ATP2A3: variants seen among roughly 807,000 people sequenced by gnomAD.
The protein encoded by ATP2A3 is sarcoplasmic/endoplasmic reticulum calcium ATPase 3.
ATP2A3 carries 61 observed loss-of-function variants against 106.8 expected under a neutral mutation model. The observed-to-expected ratio is 0.57, with a 90% CI of 0.46 to 0.71. The LOEUF is 0.71. Among genes scored for constraint, ATP2A3 ranks in the 30% least tolerant of loss-of-function variants. The pLI is 0.00. For synonymous variants in ATP2A3, 611 were observed against 609.3 expected (o/e 1.00, Z -0.04); for missense variants, 1,201 against 1,423.5 (o/e 0.84, Z 2.52).
intron 12 of ATP2A3, 112 bp from the exon 13 acceptor site, chr17:3,941,766 G>A: frequency 8.9e-7 from 1 of 1,118,800 alleles, no homozygotes; most frequent in Non-Finnish European, 1.3e-6. Flanking sequence ...CCACCCAAGG[G>A]TACACACGCA....
intron 10 of ATP2A3, among the ~76,000 whole-genome samples, chr17:3,944,384 G>C (rs2053965047): frequency 6.6e-6 from 1 of 152,096 alleles, no homozygotes; most frequent in Admixed American, 6.5e-5. Flanking sequence ...CTGAACGTGG[G>C]CCTTTTGTGG....
intron 14 of ATP2A3, among the ~76,000 whole-genome samples, chr17:3,938,172 G>A (rs183094313): frequency 2.6e-5 from 4 of 152,184 alleles, no homozygotes; most frequent in African/African-American, 9.7e-5. Context: ...GGTGGCTCAC[G>A]CCTGTAATCC....
chr17:3,927,098 A>G, intron 20 of ATP2A3: 2 of 985,276 alleles, frequency 2.0e-6, no homozygotes, highest in African/African-American at 1.7e-5. Context: ...CTTTCCAACC[A>G]CTGCTTTAAC....
Position 3,944,821 on chromosome 17 carries a change from C to A in ATP2A3, c.1185-15G>T, listed in dbSNP as rs1265461214. 1.2e-6 allele frequency: 2 copies of A among 1,600,814 alleles called. No homozygotes were observed. Among genetic ancestry groups the A allele is most frequent in the Non-Finnish European group, 1.7e-6 (2 of 1,173,700 alleles). ...CCCCCTGCCGCCTGCGGAGCCGGGG[C>A]GGTCACCAGGAGGACCTCGGCTCCG... is the stretch of plus-strand genomic sequence containing the variant. On this transcript the variant is annotated splice_polypyrimidine_tract_variant and intron_variant, in intron 9 of 20. Coordinates refer to ENST00000397041, the MANE Select transcript of ATP2A3 (RefSeq NM_005173.4).
intron 8 of ATP2A3, 184 bp from the exon 9 acceptor site, chr17:3,945,332 C>A: frequency 3.7e-6 from 2 of 542,418 alleles, no homozygotes; most frequent in Non-Finnish European, 6.6e-6. Context: ...GGACCGTCTG[C>A]TCTGCCAGAT....
Position 3,953,635 on chromosome 17 carries a change from G to A in ATP2A3, c.136+58C>T. Reference sequence around the variant, plus strand: ...GGGAGAAGGAAGTCATGACCAGACAGAGAACGACCCAGGGATGCTGCCCGC... The same window carrying A: ...GGGAGAAGGAAGTCATGACCAGACAAAGAACGACCCAGGGATGCTGCCCGC... On this transcript the variant is annotated intron_variant, in intron 2 of 20. Transcript: ENST00000397041. This position sits in a 1 kb window ranked among gnomAD's most constrained non-coding sequence, Gnocchi z 5.1. The A allele has an allele frequency of 6.4e-7, 1 of 1,555,000 alleles. No individual in the cohort carries two copies. Among genetic ancestry groups the A allele is most frequent in the Non-Finnish European group, 8.7e-7 (1 of 1,148,446 alleles).
intron 1 of ATP2A3, among the ~76,000 whole-genome samples, chr17:3,963,581 A>C (rs537156686): frequency 4.5e-4 from 69 of 152,324 alleles, no homozygotes; most frequent in African/African-American, 1.6e-3. Context: ...CACCCCAGGA[A>C]GGTGGGTCTC....
At chr17:3,945,795 G>A (rs899861767) in intron 8 of ATP2A3, among the ~76,000 whole-genome samples, 4 of 152,148 alleles carry the variant, frequency 2.6e-5, no homozygotes, top group South Asian at 2.1e-4. Flanking sequence ...TGGCCTCACC[G>A]CACATTCTCA....
At chr17:3,946,187 G>A (rs2054103814) in intron 8 of ATP2A3, among the ~76,000 whole-genome samples, 2 of 150,516 alleles carry the variant, frequency 1.3e-5, no homozygotes, top group African/African-American at 4.9e-5. Flanking sequence ...GGCGGAGGTT[G>A]CAGCCAAGAT....
intron 17 of ATP2A3, among the ~76,000 whole-genome samples, chr17:3,933,747 CAAAA>C (rs1305831594): frequency 1.3e-5 from 2 of 150,808 alleles, no homozygotes; most frequent in Non-Finnish European, 2.9e-5. Flanking sequence ...AACAAACAAA[CAAAA>C]AAAGACAGTG....
At chr17:3,951,741 C>T in intron 3 of ATP2A3, 56 bp from the exon 4 acceptor site, 1 of 1,514,526 alleles carries the variant, frequency 6.6e-7, no homozygotes, top group Non-Finnish European at 9.0e-7. Flanking sequence ...ATCTGCTCTC[C>T]TTTTCCTTGG....
rs1486475530 is a variant in ATP2A3 at position 3,928,339 on chromosome 17, G to A, written c.2980+324C>T. The stretch of plus-strand genomic sequence containing the variant: ...TGGATAAAGACAGGCTGGGTGCAGA[G>A]GGGTCAGAGGCTGAGGCCCAGAAGA... On this transcript the variant is annotated intron_variant, in intron 20 of 20. Transcript: ENST00000397041. This position sits in a 1 kb window ranked among gnomAD's most constrained non-coding sequence, Gnocchi z 6.1. 1.9e-6 allele frequency: 3 copies of A among 1,611,322 alleles called. No homozygotes were observed. Among genetic ancestry groups the A allele is most frequent in the African/African-American group, 2.7e-5 (2 of 74,908 alleles).
rs535379739 is a variant in ATP2A3, at chr17:3,929,168, C to G, written c.2862+160G>C. 2.0e-5 allele frequency among the ~76,000 whole-genome samples: 3 copies of G among 152,180 alleles called. No homozygotes were observed. The highest frequency in any genetic ancestry group is 4.4e-5 in the Non-Finnish European group (3 of 68,020). The stretch of plus-strand genomic sequence containing the variant: ...TTCCGTCCCCCAGGTCTGGGAGCTC[C>G]TGAAGGTGGGGCCACAGCTGGAGGT... On this transcript the variant is annotated intron_variant, in intron 19 of 20. Transcript: ENST00000397041. This position sits in a 1 kb window ranked among gnomAD's most constrained non-coding sequence, Gnocchi z 4.3.
intron 17 of ATP2A3, among the ~76,000 whole-genome samples, chr17:3,931,032 C>T (rs1003280846): frequency 1.3e-5 from 2 of 151,740 alleles, no homozygotes; most frequent in African/African-American, 4.8e-5. Context: ...CCCAGCTACT[C>T]GGGAGGCTGA....
chr17:3,954,213 T>C (rs2054621958), intron 1 of ATP2A3, among the ~76,000 whole-genome samples: 1 of 152,082 alleles, frequency 6.6e-6, no homozygotes, highest in Non-Finnish European at 1.5e-5. Flanking sequence ...CCGCTCACCC[T>C]GCCTCTAACA....
At chr17:3,935,476 A>G (rs1357012281) in intron 16 of ATP2A3, among the ~76,000 whole-genome samples, 199 bp from the exon 17 acceptor site, 1 of 150,902 alleles carries the variant, frequency 6.6e-6, no homozygotes, top group Admixed American at 6.6e-5. Flanking sequence ...CCTTGGCCCC[A>G]GTGCTTGGAG....
chr17:3,937,026 T>C (rs993422761), intron 15 of ATP2A3: 4 of 353,144 alleles, frequency 1.1e-5, no homozygotes, highest in Non-Finnish European at 1.6e-5. Context: ...AATATACACA[T>C]TACACACACC....
At chr17:3,948,289 C>G (rs2054232747) in intron 7 of ATP2A3, among the ~76,000 whole-genome samples, 1 of 152,238 alleles carries the variant, frequency 6.6e-6, no homozygotes, top group Admixed American at 6.5e-5. Flanking sequence ...AGCCTCAGCT[C>G]ATCCATTTCC....
At chr17:3,949,076 T>C (rs1364467146) in intron 7 of ATP2A3, among the ~76,000 whole-genome samples, 1 of 137,986 alleles carries the variant, frequency 7.2e-6, no homozygotes, top group Non-Finnish European at 1.5e-5. Context: ...TGCAGTGAGC[T>C]GAGATTGTGC....
Sources: allele counts gnomAD v4.1 joint callset (sites outside exome capture counted in the v4.1 genomes callset), GRCh38; gene constraint gnomAD v4.1.1; non-coding constraint Gnocchi (gnomAD v3.1); transcripts MANE v1.5; gene names NCBI Gene and HGNC (gene_info 2026-07-23, HGNC 2026-07-21).